The following ARV1 variants were observed in gnomAD, a reference collection of about 807,000 sequenced individuals.
The protein encoded by ARV1 is ARV1 fatty acid homeostasis modulator.
A neutral mutation model predicts 31.1 loss-of-function variants in ARV1; 26 were observed. The observed-to-expected ratio is 0.84, with a 90% CI of 0.61 to 1.16. The LOEUF is 1.16. Among genes scored for constraint, ARV1 ranks in the 50% most tolerant of loss-of-function variants. ARV1 has a pLI of 0.00. For synonymous variants in ARV1, 117 were observed against 123.2 expected (o/e 0.95, Z 0.34); for missense variants, 281 against 324.9 (o/e 0.86, Z 1.04).
intron 1 of ARV1, chr1:230,979,522 A>G (rs1319239433): frequency 6.1e-6 from 3 of 490,332 alleles, no homozygotes; most frequent in Non-Finnish European, 1.1e-5. Flanking sequence ...AGACAGAGGT[A>G]GATGTGGGCA....
rs374689782 is a variant in ARV1, at chr1:230,984,343, C to CGTGTGTGTGTGT, written c.175-3969_175-3958dup. ...TTGGGATGTCTACATTTGTTTGTTT[C>CGTGTGTGTGTGT]GTGTGTGTGTGTGTGTGTGCGTGTG... is the stretch of plus-strand genomic sequence containing the variant. On this transcript the variant is annotated intron_variant, in intron 1 of 5. Transcript: ENST00000310256. Among the ~76,000 whole-genome samples the CGTGTGTGTGTGT allele has an allele frequency of 7.6e-4, 91 of 119,320 alleles. 2 individuals carry two copies. Among genetic ancestry groups the CGTGTGTGTGTGT allele is most frequent in the Middle Eastern group, 0.011 (2 of 184 alleles). 78.3% of individuals were successfully genotyped at this position (119,320 alleles called of 152,430 possible).
At chr1:230,992,557 T>G (rs187186885) in intron 3 of ARV1, among the ~76,000 whole-genome samples, 1 of 152,366 alleles carries the variant, frequency 6.6e-6, no homozygotes, top group Admixed American at 6.5e-5. Flanking sequence ...AGGTCAGGGC[T>G]CTTTGTGTTA....
At chr1:230,986,336 T>G (rs561268535) in intron 1 of ARV1, among the ~76,000 whole-genome samples, 1 of 152,196 alleles carries the variant, frequency 6.6e-6, no homozygotes, top group Non-Finnish European at 1.5e-5. Flanking sequence ...GAGAAGCTAT[T>G]TAAATTGGGA....
At chr1:230,980,670 C>T (rs1678870396) in intron 1 of ARV1, among the ~76,000 whole-genome samples, 1 of 151,364 alleles carries the variant, frequency 6.6e-6, no homozygotes, top group Non-Finnish European at 1.5e-5. Context: ...AACATAAACC[C>T]AATACTAGCA....
rs755269442 is a variant in ARV1 at position 230,995,754 on chromosome 1, C to G, written c.449-6C>G. 1 of 1,604,834 alleles carries G rather than the reference C, an allele frequency of 6.2e-7. No individual in the cohort carries two copies. The highest frequency in any genetic ancestry group is 1.7e-5 in the Admixed American group (1 of 59,348). ...TTCATACTTTTATTTTCCATTTCTTCTTTAGAACAAACTGCCTATTTTATT... is the reference window on the plus strand; with the variant it reads ...TTCATACTTTTATTTTCCATTTCTTGTTTAGAACAAACTGCCTATTTTATT... On this transcript the variant is annotated splice_polypyrimidine_tract_variant and splice_region_variant and intron_variant, in intron 3 of 5. Transcript: ENST00000310256.
intron 1 of ARV1, 152 bp downstream of exon 1, chr1:230,979,431 C>T (rs1034634384): frequency 1.2e-6 from 1 of 865,322 alleles, no homozygotes; most frequent in Non-Finnish European, 1.7e-6. Context: ...TGATAGAGAA[C>T]TCAGCTACCC....
At chr1:230,984,361 T>TGTGTGTGTGTGCGCGTGC (rs10628275) in intron 1 of ARV1, among the ~76,000 whole-genome samples, 1 of 103,338 alleles carries the variant, frequency 9.7e-6, no homozygotes, top group Admixed American at 9.6e-5. Flanking sequence ...TGTGTGTGTG[T>TGTGTGTGTGTGCGCGTGC]GCGTGTGTGT....
In ARV1 at chr1:230,990,817, C is replaced by T. The variant is rs371749253; in HGVS notation, c.448+554C>T. On this transcript the variant is annotated intron_variant, in intron 3 of 5. Transcript: ENST00000310256. ...AACTCCTGAACTCAAGCAGTCCTCC[C>T]ACCTCAGCCTCCCAAAGTGCTGGGA... The T allele has an allele frequency of 6.8e-4, 106 of 155,386 alleles. No homozygotes were observed. In the South Asian group the frequency reaches 0.019, roughly 28 times the overall value. The allele number at this position is 155,386 out of a possible 1,614,324, so 9.6% of individuals were successfully genotyped here. A position where few individuals can be genotyped will look rare whatever the true frequency, so the allele number is the denominator to read the frequency against.
intron 4 of ARV1, among the ~76,000 whole-genome samples, chr1:230,996,425 A>G (rs1679368193): frequency 6.6e-6 from 1 of 152,036 alleles, no homozygotes; most frequent in Admixed American, 6.6e-5. Flanking sequence ...TATATTTTAC[A>G]TAGTGCTATT....
In ARV1 at chr1:230,998,700, G is replaced by A. The variant is rs182786455; in HGVS notation, c.*4+1433G>A. 6.1e-3 allele frequency among the ~76,000 whole-genome samples: 923 copies of A among 150,954 alleles called. 7 individuals are homozygous for A. Among genetic ancestry groups the A allele is most frequent in the Non-Finnish European group, 9.1e-3 (619 of 67,846 alleles). On this transcript the variant is annotated intron_variant, in intron 5 of 5. Transcript: ENST00000310256. Reference sequence around the variant, plus strand: ...TCAGGAAGATGGCTTGAGCCCAGGAGATCAAGACCAGCCTGGGCAACATAG... The same window carrying A: ...TCAGGAAGATGGCTTGAGCCCAGGAAATCAAGACCAGCCTGGGCAACATAG...
In ARV1 at chr1:230,995,786, T is replaced by A. The variant is rs1679344143; in HGVS notation, c.475T>A (p.Phe159Ile). Residue 159 changes from phenylalanine (F) to isoleucine (I), a missense_variant, in exon 4 of 6, where the codon TTT (phenylalanine) becomes ATT (isoleucine). Physicochemically the swap from Phe to Ile is conservative, Grantham distance 21 (BLOSUM62 0). Transcript: ENST00000310256. ...ACAAACTGCCTATTTTATTGGCATT[T>A]TTACCTTCCTGTGGGTAGAACGGCC... ...LEQTAYFIGIFTFLWVERPMT... is the reference protein window; with the variant it reads ...LEQTAYFIGIITFLWVERPMT... 1.9e-6 allele frequency: 3 copies of A among 1,613,796 alleles called. No individual in the cohort carries two copies. The highest frequency in any genetic ancestry group is 2.5e-6 in the Non-Finnish European group (3 of 1,179,884).
intron 1 of ARV1, among the ~76,000 whole-genome samples, chr1:230,982,773 G>T (rs1678945345): frequency 6.6e-6 from 1 of 152,142 alleles, no homozygotes; most frequent in Admixed American, 6.5e-5. Flanking sequence ...ATGAAGCAAT[G>T]AATTATTTTA....
chr1:230,994,711 G>GT (rs1221317207), intron 3 of ARV1, among the ~76,000 whole-genome samples: 3 of 151,892 alleles, frequency 2.0e-5, no homozygotes, highest in Non-Finnish European at 4.4e-5. Context: ...CCGGCTAATT[G>GT]TTTTTTGTAT....
chr1:230,990,854 A>C (rs950845559), intron 3 of ARV1, among the ~76,000 whole-genome samples: 1 of 152,144 alleles, frequency 6.6e-6, no homozygotes, highest in African/African-American at 2.4e-5. Flanking sequence ...TACAGGTGTG[A>C]GCCACTGTGC....
chr1:230,988,330 A>G lies in ARV1; in HGVS notation c.185A>G (p.Gln62Arg). 1 of 1,590,690 alleles carries G rather than the reference A, an allele frequency of 6.3e-7. No homozygotes were observed. The highest frequency in any genetic ancestry group is 8.6e-7 in the Non-Finnish European group (1 of 1,163,880). Residue 62 changes from glutamine to arginine, a missense_variant, in exon 2 of 6, where the codon CAG becomes CGG. Gln to Arg is a conservative substitution (Grantham distance 43). Coordinates refer to ENST00000310256, the MANE Select transcript of ARV1 (RefSeq NM_022786.3). ...VLKITICKSC[Q>R]KPVDKYIEYD... ...CTTGTATTATTTCAGAAATCCTGCC[A>G]GAAACCTGTAGACAAATATATCGAG... is the stretch of plus-strand genomic sequence containing the variant.
At chr1:230,981,098 A>G (rs919961939) in intron 1 of ARV1, among the ~76,000 whole-genome samples, 1 of 152,092 alleles carries the variant, frequency 6.6e-6, no homozygotes, top group African/African-American at 2.4e-5. Context: ...TTGTCTTCTT[A>G]CTTCACTGGC....
At chr1:230,998,415 A>G (rs1679431267) in intron 5 of ARV1, among the ~76,000 whole-genome samples, 1 of 152,120 alleles carries the variant, frequency 6.6e-6, no homozygotes, top group Non-Finnish European at 1.5e-5. Flanking sequence ...TGCCCAGCTA[A>G]TCCACCTTTT....
intron 5 of ARV1, 156 bp from the exon 6 acceptor site, chr1:230,999,982 A>G (rs1040071211): frequency 2.0e-5 from 3 of 152,186 alleles, no homozygotes; most frequent in Non-Finnish European, 4.4e-5. Flanking sequence ...TCATGTGTTT[A>G]TGCCTCACTC....
At chr1:230,986,502 T>TA (rs1370256205) in intron 1 of ARV1, among the ~76,000 whole-genome samples, 1 of 152,046 alleles carries the variant, frequency 6.6e-6, no homozygotes, top group Non-Finnish European at 1.5e-5. Context: ...TTCCAAATGT[T>TA]ATGCGTTTGA....
Sources: gnomAD v4.1 joint callset for allele counts (sites outside exome capture counted in the v4.1 genomes callset) on GRCh38, gnomAD v4.1.1 for gene constraint, MANE v1.5 for transcripts, NCBI Gene and HGNC (gene_info 2026-07-23, HGNC 2026-07-21) for gene names.